FLT1: variants seen among roughly 807,000 people sequenced by gnomAD.
The protein encoded by FLT1 is vascular endothelial growth factor receptor 1.
Under a neutral mutation model 156.3 loss-of-function variants are expected in FLT1, and 49 were observed. The observed-to-expected ratio is 0.31, with a 90% confidence interval of 0.25 to 0.40. FLT1 has a LOEUF of 0.40. Ranked by LOEUF, FLT1 falls within the 10% of genes least tolerant of loss-of-function variation. FLT1 has a pLI of 1.00. For synonymous variants in FLT1, 594 were observed against 583.8 expected, an observed-to-expected ratio of 1.02 and a Z score of -0.25; for missense variants, 1,322 against 1,637.2, an observed-to-expected ratio of 0.81 and a Z score of 3.32.
intron 3 of FLT1, among the ~76,000 whole-genome samples, chr13:28,456,650 G>T (rs1180490400): frequency 1.3e-5 from 2 of 152,074 alleles, no homozygotes; most frequent in Non-Finnish European, 2.9e-5. Context: ...ACAAAAATTA[G>T]CTGGGTGTGG....
chr13:28,362,660 A>G (rs989119557), intron 14 of FLT1, among the ~76,000 whole-genome samples: 4 of 152,110 alleles, frequency 2.6e-5, no homozygotes, highest in Admixed American at 2.6e-4. Context: ...CTCCACTAAA[A>G]CTTGGAAAAA....
intron 13 of FLT1, chr13:28,387,952 A>G: frequency 9.4e-7 from 1 of 1,061,690 alleles, no homozygotes; most frequent in Non-Finnish European, 1.1e-6. Flanking sequence ...CAAAAATTGC[A>G]AACAGGGGAA....
intron 11 of FLT1, among the ~76,000 whole-genome samples, chr13:28,399,523 T>A (rs926853162): frequency 6.6e-6 from 1 of 152,006 alleles, no homozygotes; most frequent in Admixed American, 6.6e-5. Context: ...GAAAATCAAG[T>A]CAGATGTATA....
chr13:28,318,882 T>G (rs1335370328), intron 24 of FLT1, among the ~76,000 whole-genome samples: 1 of 152,202 alleles, frequency 6.6e-6, no homozygotes, highest in Non-Finnish European at 1.5e-5. Flanking sequence ...GCAAGCAGAA[T>G]AAATACAACC....
intron 14 of FLT1, among the ~76,000 whole-genome samples, chr13:28,374,972 C>T (rs576853017): frequency 5.9e-5 from 9 of 152,184 alleles, no homozygotes; most frequent in Middle Eastern, 3.4e-3. Context: ...TTGTGTTGAC[C>T]AATGCATGAT....
rs531286415 is a variant in FLT1 at position 28,390,424 on chromosome 13, C to T, written c.1661-320G>A. ...TTTCCCTTTTTTTTTGAATCAGGGT[C>T]TTGCTATGTTGCCCAGGCTGGAGTG... On this transcript the variant is annotated intron_variant, in intron 12 of 29. Transcript: ENST00000282397. 2.0e-5 allele frequency among the ~76,000 whole-genome samples: 3 copies of T among 152,166 alleles called. No homozygotes were observed. The South Asian group carries it at 6.2e-4, about 32-fold the overall frequency.
In FLT1 at chr13:28,431,128, A is replaced by C; in HGVS notation, c.988+8T>G. ...TAGCATGAGTTGGCAACGCTGAACT[A>C]TGCTTACCATATATATGCACTGAGG... On this transcript the variant is annotated splice_region_variant and intron_variant, in intron 7 of 29. Coordinates refer to ENST00000282397, the MANE Select transcript of FLT1 (RefSeq NM_002019.4). The C allele has an allele frequency of 6.2e-7, 1 of 1,610,426 alleles. No individual in the cohort carries two copies.
Position 28,311,663 on chromosome 13 carries a change from C to A in FLT1, c.3562G>T (p.Ala1188Ser), listed in dbSNP as rs1164854890. Residue 1188 changes from alanine (A) to serine (S), a missense_variant, in exon 27 of 30, where the codon GCC (alanine) becomes TCC (serine). This residue lies in a region of FLT1 where 329 missense variants were observed against 366.2 expected (regional missense o/e 0.90). Transcript: ENST00000282397. ...TCCTTGAAGAAGTCCTCAGAGAAGG[C>A]AGGAGTTGAGTATGTAAACCCACTA... ...GNSGFTYSTP[A>S]FSEDFFKESI... The A allele has an allele frequency of 1.2e-6, 2 of 1,613,566 alleles. No homozygotes were observed. Among genetic ancestry groups the A allele is most frequent in the African/African-American group, 2.7e-5 (2 of 74,902 alleles).
intron 24 of FLT1, among the ~76,000 whole-genome samples, chr13:28,318,131 C>G (rs1871280304): frequency 1.3e-5 from 2 of 152,092 alleles, no homozygotes; most frequent in African/African-American, 4.8e-5. Flanking sequence ...TTGGCTTGGG[C>G]TTCTTTTTAA....
intron 1 of FLT1, among the ~76,000 whole-genome samples, chr13:28,474,499 C>CACACACACACACACACACACACACACAG (rs1880431522): frequency 1.5e-5 from 2 of 131,474 alleles, no homozygotes; most frequent in African/African-American, 8.8e-5. Context: ...CACACACACA[C>CACACACACACACACACACACACACACAG]ACACACACAC....
rs61763175 is a variant in FLT1, at chr13:28,430,361, A to G, written c.989-194T>C. Among the ~76,000 whole-genome samples, 502 of 152,328 alleles carry G rather than the reference A, an allele frequency of 3.3e-3. 1 individual carries two copies. The highest frequency in any genetic ancestry group is 0.011 in the African/African-American group (472 of 41,580). On this transcript the variant is annotated intron_variant, in intron 7 of 29. Coordinates refer to ENST00000282397, the MANE Select transcript of FLT1 (RefSeq NM_002019.4). ...CACTGTAATTGGTGAACGCCTTTCA[A>G]ATCAAATGGTATCACGTCCTAGCCA...
intron 18 of FLT1, 44 bp from the exon 19 acceptor site, chr13:28,329,772 G>T (rs1315806176): frequency 6.7e-7 from 1 of 1,499,284 alleles, no homozygotes; most frequent in Non-Finnish European, 9.3e-7. Context: ...GGACAATGGG[G>T]CTCCTTCCGC....
At chr13:28,378,321 AC>A (rs1331529516) in intron 14 of FLT1, among the ~76,000 whole-genome samples, 5 of 152,212 alleles carry the variant, frequency 3.3e-5, no homozygotes, top group Non-Finnish European at 5.9e-5. Context: ...TGCTGGGATT[AC>A]AGGCATGAGC....
chr13:28,370,867 C>A (rs1222437915), intron 14 of FLT1, among the ~76,000 whole-genome samples: 1 of 152,150 alleles, frequency 6.6e-6, no homozygotes, highest in Non-Finnish European at 1.5e-5. Flanking sequence ...TGGCCAGTCA[C>A]CTACAGGGCT....
chr13:28,385,848 A>G (rs1212301065), intron 13 of FLT1: 3 of 1,053,316 alleles, frequency 2.8e-6, no homozygotes, highest in Admixed American at 5.5e-5. Context: ...CAAGGCCCCC[A>G]ATGAGTACAG....
intron 27 of FLT1, among the ~76,000 whole-genome samples, chr13:28,309,337 G>A (rs755980300): frequency 3.3e-5 from 5 of 152,116 alleles, no homozygotes; most frequent in East Asian, 3.8e-4. Context: ...ATGGCTACAC[G>A]GCTAAATATT....
intron 23 of FLT1, 115 bp downstream of exon 23, chr13:28,321,348 G>C: frequency 7.6e-7 from 1 of 1,315,702 alleles, no homozygotes; most frequent in South Asian, 1.2e-5. Context: ...TGTCTTCACA[G>C]AAAGCCAATG....
chr13:28,463,043 C>T (rs774161294), intron 3 of FLT1, among the ~76,000 whole-genome samples: 1 of 152,094 alleles, frequency 6.6e-6, no homozygotes, highest in African/African-American at 2.4e-5. Flanking sequence ...GAGAACGATG[C>T]TTCATTGGAT....
intron 1 of FLT1, among the ~76,000 whole-genome samples, chr13:28,487,817 A>T (rs1291791375): frequency 6.6e-6 from 1 of 151,924 alleles, no homozygotes; most frequent in African/African-American, 2.4e-5. Context: ...CTGGCTATTT[A>T]ATTGCATTTT....
Sources: allele counts gnomAD v4.1 joint callset (sites outside exome capture counted in the v4.1 genomes callset), GRCh38; gene constraint gnomAD v4.1.1; regional missense constraint gnomAD v4.1.1; transcripts MANE v1.5; gene names NCBI Gene and HGNC (gene_info 2026-07-23, HGNC 2026-07-21).